LAMA2: variants seen among roughly 807,000 people sequenced by gnomAD.
LAMA2 encodes laminin subunit alpha 2, also known as laminin subunit alpha-2.
Under a neutral mutation model 364.8 loss-of-function variants are expected in LAMA2, and 269 were observed. The observed-to-expected ratio is 0.74, with a 90% CI of 0.67 to 0.82. The LOEUF (loss-of-function observed/expected upper bound fraction) is 0.82, where lower values mean the gene tolerates loss of function less well. LAMA2 is among the 40% of genes least tolerant of loss of function. The probability of loss-of-function intolerance (pLI) is 0.00; values close to 1 mark genes in which losing one functional copy is unlikely to be tolerated. For synonymous variants in LAMA2, 1,379 were observed against 1,370.6 expected (o/e 1.01, Z -0.14); for missense variants, 3,807 against 3,873.2 (o/e 0.98, Z 0.45).
intron 47 of LAMA2, 55 bp from the exon 48 acceptor site, chr6:129,456,280 G>A (rs1782958999): frequency 6.9e-7 from 1 of 1,450,912 alleles, no homozygotes; most frequent in South Asian, 1.1e-5. Context: ...GAAATGTGAT[G>A]CATATTTCAT....
intron 29 of LAMA2, among the ~76,000 whole-genome samples, chr6:129,339,794 A>G (rs1430774363): frequency 6.6e-6 from 1 of 152,078 alleles, no homozygotes; most frequent in Non-Finnish European, 1.5e-5. Context: ...CACGGGGTCA[A>G]GAGATGGAGA....
In LAMA2 at chr6:129,514,382, C is replaced by T. The variant is rs1417315374; in HGVS notation, c.8998C>T (p.His3000Tyr). ...ATTTCCTACTTTCCAGTTGATGTTTCATGTGGACAATGGTGCGGGCAGATT... is the reference window on the plus strand; with the variant it reads ...ATTTCCTACTTTCCAGTTGATGTTTTATGTGGACAATGGTGCGGGCAGATT... ...IEMIDEKLMF[H>Y]VDNGAGRFTA... Residue 3000 changes from histidine (H) to tyrosine (Y), a missense_variant, in exon 64 of 65, where the codon CAT (histidine) becomes TAT (tyrosine). Around this residue, in one of 3 missense-constraint regions of LAMA2, gnomAD observed 3,333 missense variants for 3,345.7 expected, o/e 1.00. Coordinates refer to ENST00000421865, the MANE Select transcript of LAMA2 (RefSeq NM_000426.4). 3.7e-6 allele frequency: 6 copies of T among 1,612,632 alleles called. 1 individual carries two copies. In the South Asian group the frequency reaches 4.4e-5, roughly 12 times the overall value.
At chr6:129,251,076 C>CTCTCTCTCTCTATATA (rs1491468271) in intron 13 of LAMA2, among the ~76,000 whole-genome samples, 1 of 49,794 alleles carries the variant, frequency 2.0e-5, no homozygotes, top group African/African-American at 8.2e-5. Flanking sequence ...CTCTCTCTCT[C>CTCTCTCTCTCTATATA]TATATATATA....
chr6:129,448,323 G>A (rs1026426749), intron 45 of LAMA2, among the ~76,000 whole-genome samples: 5 of 151,970 alleles, frequency 3.3e-5, no homozygotes, highest in African/African-American at 4.8e-5. Context: ...AGGTACAAAA[G>A]TAACGTTAAG....
chr6:129,005,482 A>T (rs1440836075), intron 1 of LAMA2, among the ~76,000 whole-genome samples: 1 of 151,964 alleles, frequency 6.6e-6, no homozygotes, highest in Admixed American at 6.6e-5. Flanking sequence ...AAATATCTTG[A>T]TACTTGTATT....
chr6:128,950,027 T>C (rs1282870692), intron 1 of LAMA2, among the ~76,000 whole-genome samples: 3 of 152,188 alleles, frequency 2.0e-5, no homozygotes, highest in African/African-American at 4.8e-5. Flanking sequence ...ATGTAAATAC[T>C]ATGTGGAGAA....
intron 12 of LAMA2, among the ~76,000 whole-genome samples, chr6:129,249,544 G>A (rs981628096): frequency 9.2e-5 from 14 of 152,138 alleles, no homozygotes; most frequent in African/African-American, 2.4e-4. Context: ...ATTGCACAGA[G>A]GAAAGTATAC....
intron 12 of LAMA2, among the ~76,000 whole-genome samples, chr6:129,235,009 T>A (rs1473724818): frequency 2.0e-5 from 3 of 152,168 alleles, no homozygotes; most frequent in Non-Finnish European, 4.4e-5. Flanking sequence ...TTTTTAAAAG[T>A]GGGAGTAAAA....
intron 1 of LAMA2, among the ~76,000 whole-genome samples, chr6:129,020,498 G>A (rs764245844): frequency 6.6e-6 from 1 of 152,152 alleles, no homozygotes; most frequent in Non-Finnish European, 1.5e-5. Flanking sequence ...AGGAAATAAG[G>A]ACTTAAAGTC....
rs192220721 is a variant in LAMA2, at chr6:129,466,617, C to A, written c.7300+1328C>A. Among the ~76,000 whole-genome samples the A allele has an allele frequency of 9.2e-5, 14 of 152,004 alleles. No individual in the cohort carries two copies. The South Asian group carries it at 1.7e-3, about 18-fold the overall frequency. ...CAGAAGCTCTGTGTAGTTAGTTGTT[C>A]AGTAAGAAGAATGTTTAGCTGTTTA... On this transcript the variant is annotated intron_variant, in intron 51 of 64. Coordinates refer to ENST00000421865, the MANE Select transcript of LAMA2 (RefSeq NM_000426.4).
chr6:129,178,766 G>A (rs2115017503), intron 10 of LAMA2, among the ~76,000 whole-genome samples: 1 of 152,018 alleles, frequency 6.6e-6, no homozygotes, highest in Non-Finnish European at 1.5e-5. Flanking sequence ...TTTGGTACAT[G>A]TGAGCATATG....
At chr6:129,219,959 T>C (rs1370254694) in intron 12 of LAMA2, among the ~76,000 whole-genome samples, 1 of 151,492 alleles carries the variant, frequency 6.6e-6, no homozygotes, top group African/African-American at 2.4e-5. Context: ...CCCTAAAACT[T>C]AAAGTATAAT....
chr6:129,023,801 TATC>T (rs915776782), intron 1 of LAMA2, among the ~76,000 whole-genome samples: 9 of 152,242 alleles, frequency 5.9e-5, no homozygotes, highest in Admixed American at 2.0e-4. Flanking sequence ...TTTATACAGT[TATC>T]ATACCATTTA....
chr6:129,391,592 A>C lies in LAMA2; in HGVS notation c.5173A>C (p.Ile1725Leu). The C allele has an allele frequency of 6.2e-7, 1 of 1,613,972 alleles. No homozygotes were observed. The highest frequency in any genetic ancestry group is 8.5e-7 in the Non-Finnish European group (1 of 1,179,856). The stretch of plus-strand genomic sequence containing the variant: ...GCTTCAGAAAGAGATTGACCAGATG[A>C]TTAAAGAACTGAGGAGGAAAAATCT... ...EGLQKEIDQM[I>L]KELRRKNLET... Residue 1725 changes from isoleucine (I) to leucine (L), a missense_variant, in exon 36 of 65, where the codon ATT becomes CTT. By Grantham distance (5) the Ile-to-Leu change is conservative. This residue lies in a region of LAMA2 where 3,333 missense variants were observed against 3,345.7 expected (regional missense o/e 1.00). Transcript: ENST00000421865.
intron 1 of LAMA2, among the ~76,000 whole-genome samples, chr6:128,915,954 C>A (rs1293743914): frequency 1.3e-5 from 2 of 152,108 alleles, no homozygotes; most frequent in East Asian, 3.8e-4. Context: ...ATGTGTAATA[C>A]AGCTAATTAG....
At chr6:129,431,613 T>G (rs1390417089) in intron 41 of LAMA2, among the ~76,000 whole-genome samples, 2 of 152,094 alleles carry the variant, frequency 1.3e-5, no homozygotes, top group African/African-American at 2.4e-5. Flanking sequence ...ATGTATAACA[T>G]TAGACTCTTC....
intron 18 of LAMA2, among the ~76,000 whole-genome samples, chr6:129,286,447 C>T (rs1007368895): frequency 2.0e-5 from 3 of 147,416 alleles, no homozygotes; most frequent in African/African-American, 5.0e-5. Context: ...CATTTTAAAA[C>T]ATAACATTTA....
intron 12 of LAMA2, among the ~76,000 whole-genome samples, chr6:129,202,697 A>G (rs1398749408): frequency 1.3e-5 from 2 of 152,218 alleles, no homozygotes; most frequent in Non-Finnish European, 2.9e-5. Context: ...ATTAGGAAAA[A>G]ACAACGCAAG....
intron 1 of LAMA2, among the ~76,000 whole-genome samples, chr6:128,943,271 G>T (rs7753179): frequency 1.2e-4 from 1 of 8,112 alleles, no homozygotes; most frequent in Non-Finnish European, 5.7e-4. Flanking sequence ...TATATACACA[G>T]AGAGAGAGAG....
Sources: gnomAD v4.1 joint callset for allele counts (sites outside exome capture counted in the v4.1 genomes callset) on GRCh38, gnomAD v4.1.1 for gene constraint, gnomAD v4.1.1 regional missense constraint, MANE v1.5 for transcripts, NCBI Gene and HGNC (gene_info 2026-07-23, HGNC 2026-07-21) for gene names.